Variants in DNMT3B observed in about 807,000 individuals in gnomAD.
DNMT3B encodes DNA methyltransferase 3 beta, also known as DNA (cytosine-5)-methyltransferase 3B.
DNMT3B carries 37 observed loss-of-function variants against 120.2 expected under a neutral mutation model. The observed-to-expected ratio is 0.31, with a 90% confidence interval of 0.24 to 0.40. The LOEUF is 0.40. Ranked by LOEUF, DNMT3B falls within the 10% of genes least tolerant of loss-of-function variation. The pLI, the probability that DNMT3B is intolerant of heterozygous loss-of-function variation, is 1.00. For missense variants in DNMT3B, 878 were observed against 1,137.3 expected (o/e 0.77, Z 3.28); for synonymous variants, 412 against 442.8 (o/e 0.93, Z 0.87).
rs1422711899 is a variant in DNMT3B at position 32,795,490 on chromosome 20, G to A, written c.1208G>A (p.Cys403Tyr). 1 of 1,614,162 alleles carries A rather than the reference G, an allele frequency of 6.2e-7. No individual in the cohort carries two copies. Among genetic ancestry groups the A allele is most frequent in the South Asian group, 1.1e-5 (1 of 91,080 alleles). The change falls in exon 11 of 23, where the codon TGC (cysteine) becomes TAC (tyrosine). Residue 403 changes from cysteine (C) to tyrosine (Y), a missense_variant. Transcript: ENST00000328111. ...GCACCCAAGCGCCTCAAGACAAATT[G>A]CTATAACAACGGCAAAGACCGAGGG... ...CPAPKRLKTN[C>Y]YNNGKDRGDE...
chr20:32,765,312 T>TG (rs1568815274), intron 1 of DNMT3B, among the ~76,000 whole-genome samples: 1 of 151,988 alleles, frequency 6.6e-6, no homozygotes, highest in Non-Finnish European at 1.5e-5. Flanking sequence ...TCCCCTTTGT[T>TG]GGGGGGCTCA....
rs376338894 is a variant in DNMT3B, at chr20:32,807,945, C to G, written c.*42C>G. 17 of 1,613,738 alleles carry G rather than the reference C, an allele frequency of 1.1e-5. No homozygotes were observed. The highest frequency in any genetic ancestry group is 1.3e-5 in the African/African-American group (1 of 74,936). ...AGCCCACTGGGGTGTGTGGCAGAGCCAGGACCCAGGAGGTGTGATTCCTGA... is the reference window on the plus strand; with the variant it reads ...AGCCCACTGGGGTGTGTGGCAGAGCGAGGACCCAGGAGGTGTGATTCCTGA... On this transcript the variant is annotated 3_prime_UTR_variant, in exon 23 of 23. Coordinates refer to ENST00000328111, the MANE Select transcript of DNMT3B (RefSeq NM_006892.4).
intron 1 of DNMT3B, among the ~76,000 whole-genome samples, chr20:32,770,846 G>A (rs2745869): frequency 2.0e-5 from 3 of 150,682 alleles, no homozygotes; most frequent in East Asian, 2.0e-4. Flanking sequence ...CCCTGACCTC[G>A]GGTGATCTGC....
chr20:32,780,253 G>A (rs2145905390), intron 1 of DNMT3B, 65 bp from the exon 2 acceptor site: 1 of 1,613,338 alleles, frequency 6.2e-7, no homozygotes, highest in Non-Finnish European at 8.5e-7. Context: ...CCCATGGCGG[G>A]GGAACACTGT....
intron 1 of DNMT3B, among the ~76,000 whole-genome samples, chr20:32,771,853 C>T (rs1987767621): frequency 6.6e-6 from 1 of 152,100 alleles, no homozygotes; most frequent in Admixed American, 6.6e-5. Context: ...TGGCCTAATT[C>T]AAATAAATGT....
Position 32,801,284 on chromosome 20 carries a change from C to T in DNMT3B, c.2003C>T (p.Thr668Ile). 1 of 1,614,186 alleles carries T rather than the reference C, an allele frequency of 6.2e-7. No individual in the cohort carries two copies. Among genetic ancestry groups the T allele is most frequent in the Non-Finnish European group, 8.5e-7 (1 of 1,180,040 alleles). The change falls in exon 19 of 23, where the codon ACA becomes ATA. Residue 668 changes from threonine (T) to isoleucine (I), a missense_variant. Physicochemically the swap from Thr to Ile is moderately conservative, Grantham distance 89. Transcript: ENST00000328111. Reference protein sequence around the residue: ...NPARKGLYEGTGRLFFEFYHL... With the variant: ...NPARKGLYEGIGRLFFEFYHL... ...TCATCTTTTCTGAGCACAGAGGGTACAGGCCGGCTCTTCTTCGAATTTTAC... is the reference window on the plus strand; with the variant it reads ...TCATCTTTTCTGAGCACAGAGGGTATAGGCCGGCTCTTCTTCGAATTTTAC...
intron 1 of DNMT3B, among the ~76,000 whole-genome samples, chr20:32,770,550 G>A (rs8115823): frequency 0.56 from 84,297 of 151,244 alleles, 25,262 homozygotes; most frequent in East Asian, 0.99. Flanking sequence ...CAGGTGAGCC[G>A]CCCACCTTGG....
chr20:32,791,843 A>G, intron 8 of DNMT3B, 135 bp downstream of exon 8: 1 of 901,568 alleles, frequency 1.1e-6, no homozygotes, highest in Non-Finnish European at 1.8e-6. Flanking sequence ...AAATGACAAC[A>G]TAACATGATG....
At chr20:32,806,473 C>T (rs980676358) in intron 22 of DNMT3B, 146 bp downstream of exon 22, 19 of 821,434 alleles carry the variant, frequency 2.3e-5, no homozygotes, top group East Asian at 1.3e-4. Flanking sequence ...TTTCATAGTT[C>T]GCCCTTATTT....
intron 16 of DNMT3B, among the ~76,000 whole-genome samples, chr20:32,799,678 C>T (rs953006040): frequency 3.9e-4 from 60 of 152,180 alleles, no homozygotes; most frequent in African/African-American, 1.4e-3. Flanking sequence ...CCACCACGCC[C>T]AGCTAATTTT....
At chr20:32,793,446 T>C in intron 9 of DNMT3B, 90 bp from the exon 10 acceptor site, 1 of 1,445,404 alleles carries the variant, frequency 6.9e-7, no homozygotes. Flanking sequence ...CAAGCCTGGG[T>C]GACAGAGCAA....
At chr20:32,786,651 C>T in intron 5 of DNMT3B, 24 bp downstream of exon 5, 1 of 1,613,482 alleles carries the variant, frequency 6.2e-7, no homozygotes, top group African/African-American at 1.3e-5. Flanking sequence ...ATGCCCAGAC[C>T]CCTGCCCGCA....
chr20:32,781,333 C>T lies in DNMT3B; in HGVS notation c.143-20C>T. The T allele has an allele frequency of 1.2e-6, 2 of 1,613,924 alleles. No individual in the cohort carries two copies. Among genetic ancestry groups the T allele is most frequent in the Non-Finnish European group, 1.7e-6 (2 of 1,179,934 alleles). ...GGTGCCTGCCCCCACAAAACAGACTCCTGGCTGTTTCCTCTACAGGCCGAA... is the reference window on the plus strand; with the variant it reads ...GGTGCCTGCCCCCACAAAACAGACTTCTGGCTGTTTCCTCTACAGGCCGAA... On this transcript the variant is annotated intron_variant, in intron 2 of 22. Coordinates refer to ENST00000328111, the MANE Select transcript of DNMT3B (RefSeq NM_006892.4).
intron 1 of DNMT3B, among the ~76,000 whole-genome samples, chr20:32,763,236 T>C (rs1987082414): frequency 6.6e-6 from 1 of 152,170 alleles, no homozygotes; most frequent in African/African-American, 2.4e-5. Context: ...CGCTGTCCCT[T>C]CCCCCAATCC....
intron 1 of DNMT3B, among the ~76,000 whole-genome samples, chr20:32,778,364 C>CA (rs10633411): frequency 0.037 from 5,167 of 138,014 alleles, 225 homozygotes; most frequent in African/African-American, 0.11. Flanking sequence ...GACTCTGTCT[C>CA]AAAAAAAAAA....
intron 15 of DNMT3B, among the ~76,000 whole-genome samples, 170 bp downstream of exon 15, chr20:32,798,813 C>G (rs551358118): frequency 6.8e-4 from 104 of 152,328 alleles, no homozygotes; most frequent in African/African-American, 2.4e-3. Flanking sequence ...GGTTTTCAGC[C>G]GTGCCAGGGT....
At chr20:32,767,246 A>G (rs1987434472) in intron 1 of DNMT3B, among the ~76,000 whole-genome samples, 1 of 151,890 alleles carries the variant, frequency 6.6e-6, no homozygotes. Flanking sequence ...GTACAACATC[A>G]TTTATCTGCC....
At position 32,808,709 on chromosome 20, in the gene DNMT3B, G is replaced by A. The variant is rs1189118380; in HGVS notation, c.*806G>A. 1.7e-5 allele frequency: 4 copies of A among 229,318 alleles called. No individual in the cohort carries two copies. The highest frequency in any genetic ancestry group is 8.9e-5 in the African/African-American group (4 of 45,112). 14.2% of individuals were successfully genotyped at this position (229,318 alleles called of 1,614,324 possible). On this transcript the variant is annotated 3_prime_UTR_variant, in exon 23 of 23. Transcript: ENST00000328111. ...TATAATATAAGCTGCCATATATTTT[G>A]TAGACAAGTATGGCTCCTCCATATC...
intron 4 of DNMT3B, 152 bp from the exon 5 acceptor site, chr20:32,786,350 C>T (rs1732949761): frequency 8.0e-6 from 9 of 1,124,890 alleles, no homozygotes; most frequent in Non-Finnish European, 1.2e-5. Context: ...GGACTCAGTC[C>T]AGAGTCCCAC....
Sources: allele counts gnomAD v4.1 joint callset (sites outside exome capture counted in the v4.1 genomes callset), GRCh38; gene constraint gnomAD v4.1.1; transcripts MANE v1.5; gene names NCBI Gene and HGNC (gene_info 2026-07-23, HGNC 2026-07-21).